TOX3: variants seen among roughly 807,000 people sequenced by gnomAD.
TOX3 encodes TOX high mobility group box family member 3.
Under a neutral mutation model 64.3 loss-of-function variants are expected in TOX3, and 22 were observed. The observed-to-expected ratio is 0.34, with a 90% CI of 0.24 to 0.49. TOX3 has a LOEUF of 0.49. TOX3 is among the 20% of genes least tolerant of loss of function. The probability of loss-of-function intolerance (pLI) is 0.99; values close to 1 mark genes in which losing one functional copy is unlikely to be tolerated. For missense variants in TOX3, 661 were observed against 714.4 expected, an observed-to-expected ratio of 0.93 and a Z score of 0.85; for synonymous variants, 291 against 273.6, an observed-to-expected ratio of 1.06 and a Z score of -0.63.
intron 1 of TOX3, among the ~76,000 whole-genome samples, 174 bp downstream of exon 1, chr16:52,546,463 T>C (rs1963189869): frequency 6.6e-6 from 1 of 151,136 alleles, no homozygotes; most frequent in African/African-American, 2.4e-5. Context: ...CGGCGTGGGA[T>C]GGGGCAGAAA....
At chr16:52,490,907 T>C (rs1458435657) in intron 1 of TOX3, among the ~76,000 whole-genome samples, 3 of 152,068 alleles carry the variant, frequency 2.0e-5, no homozygotes, top group African/African-American at 4.8e-5. Context: ...AGGATGACAG[T>C]TGTAAGCTAC....
Position 52,468,558 on chromosome 16 carries a change from T to C in TOX3, c.104A>G (p.Asn35Ser). Reference sequence around the variant, plus strand: ...GTTCGCCTCAGCCATATTCATATAGTTATTATTATTTCCAAACTGAAAGAA... The same window carrying C: ...GTTCGCCTCAGCCATATTCATATAGCTATTATTATTTCCAAACTGAAAGAA... Reference protein sequence around the residue: ...YGYSKFGNNNNYMNMAEANNA... With the variant: ...YGYSKFGNNNSYMNMAEANNA... The change falls in exon 2 of 7, where the codon AAC (asparagine) becomes AGC (serine). Residue 35 changes from asparagine to serine, a missense_variant. Transcript: ENST00000219746. The C allele has an allele frequency of 6.2e-7, 1 of 1,611,902 alleles. No homozygotes were observed. The highest frequency in any genetic ancestry group is 8.5e-7 in the Non-Finnish European group (1 of 1,178,704).
rs1357514535 is a variant in TOX3, at chr16:52,546,752, G to C, written c.-29C>G. 2 of 1,483,014 alleles carry C rather than the reference G, an allele frequency of 1.3e-6. No individual in the cohort carries two copies. Among genetic ancestry groups the C allele is most frequent in the Non-Finnish European group, 1.8e-6 (2 of 1,119,676 alleles). The allele number at this position is 1,483,014 out of a possible 1,614,324, so 91.9% of individuals were successfully genotyped here. Reference sequence around the variant, plus strand: ...GAAGCTGGGCCCGGGGCCGGGGGCCGGGACTGGGGTTCGCCGGGGCCGGGA... The same window carrying C: ...GAAGCTGGGCCCGGGGCCGGGGGCCCGGACTGGGGTTCGCCGGGGCCGGGA... On this transcript the variant is annotated 5_prime_UTR_variant, in exon 1 of 7. Coordinates refer to ENST00000219746, the MANE Select transcript of TOX3 (RefSeq NM_001080430.4).
At chr16:52,455,230 G>A (rs1407257588) in intron 3 of TOX3, among the ~76,000 whole-genome samples, 2 of 151,790 alleles carry the variant, frequency 1.3e-5, no homozygotes, top group Non-Finnish European at 2.9e-5. Flanking sequence ...TCTTCTAATT[G>A]GCGATATTAG....
intron 1 of TOX3, among the ~76,000 whole-genome samples, chr16:52,485,267 T>TATATATATATATATATAC (rs1163640369): frequency 8.6e-4 from 118 of 137,808 alleles, no homozygotes; most frequent in African/African-American, 2.7e-3. Flanking sequence ...TATATATATA[T>TATATATATATATATATAC]ATATACATAT....
intron 1 of TOX3, among the ~76,000 whole-genome samples, chr16:52,515,716 C>T (rs558954052): frequency 6.6e-6 from 1 of 152,302 alleles, no homozygotes; most frequent in South Asian, 2.1e-4. Flanking sequence ...AAATTAGAAG[C>T]AGGTAAAACA....
At chr16:52,485,246 G>GTGTATATATATATATA (rs1555484130) in intron 1 of TOX3, among the ~76,000 whole-genome samples, 17 of 127,866 alleles carry the variant, frequency 1.3e-4, no homozygotes, top group African/African-American at 5.4e-4. Context: ...ATGTGTGTGT[G>GTGTATATATATATATA]TATATATATA....
At chr16:52,544,586 T>G (rs1187839831) in intron 1 of TOX3, among the ~76,000 whole-genome samples, 1 of 152,214 alleles carries the variant, frequency 6.6e-6, no homozygotes, top group East Asian at 1.9e-4. Context: ...GAAAGCAAGT[T>G]ATTTCAGGCA....
Position 52,445,986 on chromosome 16 carries a change from T to C in TOX3, c.906+8A>G. 2 of 1,611,836 alleles carry C rather than the reference T, an allele frequency of 1.2e-6. No individual in the cohort carries two copies. The highest frequency in any genetic ancestry group is 2.2e-5 in the South Asian group (2 of 90,976). On this transcript the variant is annotated splice_region_variant and intron_variant, in intron 5 of 6. Coordinates refer to ENST00000219746, the MANE Select transcript of TOX3 (RefSeq NM_001080430.4). ...TATTGATGGAGCCTTGATGGGTCTT[T>C]GTCTCACCTGCTTTTGTTCTTCTCC...
At chr16:52,464,720 T>C (rs1018979318) in intron 2 of TOX3, among the ~76,000 whole-genome samples, 1 of 152,226 alleles carries the variant, frequency 6.6e-6, no homozygotes, top group Non-Finnish European at 1.5e-5. Context: ...TGACTACTTC[T>C]ATGGAAATTG....
At chr16:52,471,423 TATA>T (rs1183316123) in intron 1 of TOX3, among the ~76,000 whole-genome samples, 2 of 152,208 alleles carry the variant, frequency 1.3e-5, no homozygotes, top group Non-Finnish European at 2.9e-5. Context: ...AGGTCTCTAA[TATA>T]ATGACCTCAG....
chr16:52,439,849 T>C lies in TOX3; in HGVS notation c.1107A>G (p.Ser369=). The change falls in exon 7 of 7, where the codon TCA becomes TCG. Residue 369 remains serine, a synonymous_variant. Transcript: ENST00000219746. ...NTPLSQHGTV[S]ASPQTLQQSL... Reference sequence around the variant, plus strand: ...ATTGCTGGAGAGTCTGAGGTGATGCTGACACTGTTCCATGTTGAGACAGTG... The same window carrying C: ...ATTGCTGGAGAGTCTGAGGTGATGCCGACACTGTTCCATGTTGAGACAGTG... 1 of 1,613,848 alleles carries C rather than the reference T, an allele frequency of 6.2e-7. No homozygotes were observed.
At chr16:52,512,527 A>T (rs549448343) in intron 1 of TOX3, among the ~76,000 whole-genome samples, 1 of 152,350 alleles carries the variant, frequency 6.6e-6, no homozygotes, top group East Asian at 1.9e-4. Context: ...TGTGCTTAAG[A>T]TGCAGTTAGT....
intron 5 of TOX3, chr16:52,444,933 C>T (rs1960119162): frequency 2.6e-5 from 4 of 152,204 alleles, no homozygotes; most frequent in Admixed American, 2.0e-4. Context: ...CCATTAGTGA[C>T]CCCACTGAGT....
At chr16:52,540,096 A>C (rs1268167931) in intron 1 of TOX3, among the ~76,000 whole-genome samples, 2 of 152,048 alleles carry the variant, frequency 1.3e-5, no homozygotes, top group Non-Finnish European at 2.9e-5. Flanking sequence ...AAAATTTTTC[A>C]GGCTGGGCGC....
At chr16:52,495,427 A>T (rs1961819931) in intron 1 of TOX3, among the ~76,000 whole-genome samples, 1 of 152,194 alleles carries the variant, frequency 6.6e-6, no homozygotes, top group Admixed American at 6.5e-5. Context: ...ACTTTTTCAA[A>T]TCTCACCAGG....
intron 1 of TOX3, among the ~76,000 whole-genome samples, chr16:52,533,218 G>A (rs1235584358): frequency 6.6e-6 from 1 of 152,120 alleles, no homozygotes; most frequent in Non-Finnish European, 1.5e-5. Flanking sequence ...AAGTGTGGCT[G>A]GGACCATCCA....
chr16:52,470,829 C>A (rs1961020472), intron 1 of TOX3, among the ~76,000 whole-genome samples: 1 of 152,162 alleles, frequency 6.6e-6, no homozygotes. Flanking sequence ...GCACTCCTTG[C>A]ATATCTTTTG....
At chr16:52,536,572 T>TTC (rs1412931807) in intron 1 of TOX3, among the ~76,000 whole-genome samples, 2 of 140,538 alleles carry the variant, frequency 1.4e-5, no homozygotes, top group Non-Finnish European at 3.1e-5. Context: ...ATACATATTG[T>TTC]TCTCTCTCTC....
Sources: allele counts gnomAD v4.1 joint callset (sites outside exome capture counted in the v4.1 genomes callset), GRCh38; gene constraint gnomAD v4.1.1; transcripts MANE v1.5; gene names NCBI Gene and HGNC (gene_info 2026-07-23, HGNC 2026-07-21).